ITPR3: variants seen among roughly 807,000 people sequenced by gnomAD.
ITPR3 encodes inositol 1,4,5-trisphosphate receptor type 3.
In ITPR3, 173 loss-of-function variants were observed where a neutral mutation model predicts 293.2. The observed-to-expected ratio is 0.59, with a 90% confidence interval of 0.52 to 0.67. The LOEUF is 0.67. ITPR3 is among the 30% of genes least tolerant of loss of function. The pLI is 0.00. For synonymous variants in ITPR3, 1,295 were observed against 1,444.4 expected (o/e 0.90, Z 2.35); for missense variants, 2,796 against 3,592.1 (o/e 0.78, Z 5.66).
chr6:33,648,978 C>A (rs1342173804), intron 2 of ITPR3, among the ~76,000 whole-genome samples: 2 of 152,164 alleles, frequency 1.3e-5, no homozygotes, highest in Non-Finnish European at 2.9e-5. Context: ...CGGCTCACTG[C>A]AACCTCTGCC....
chr6:33,658,878 T>C lies in ITPR3; in HGVS notation c.528+50T>C. 6.2e-7 allele frequency: 1 copy of C among 1,608,488 alleles called. No homozygotes were observed. Among genetic ancestry groups the C allele is most frequent in the Non-Finnish European group, 8.5e-7 (1 of 1,176,314 alleles). On this transcript the variant is annotated intron_variant, in intron 5 of 57. Transcript: ENST00000605930. The surrounding 1 kb of genome is among the most constrained non-coding windows in gnomAD (Gnocchi z 6.1). ...GGGCCTGGTGGAACTCCCGAGGGGC[T>C]TCTGTAGGGTCTTCGGTGTGGGGAC... is the stretch of plus-strand genomic sequence containing the variant.
chr6:33,668,683 C>T, intron 17 of ITPR3, 49 bp downstream of exon 17: 1 of 1,612,554 alleles, frequency 6.2e-7, no homozygotes, highest in Non-Finnish European at 8.5e-7. Flanking sequence ...CTGCTGACCC[C>T]CAGCTGTCTT....
intron 11 of ITPR3, 90 bp downstream of exon 11, chr6:33,663,970 C>G: frequency 6.7e-7 from 1 of 1,494,352 alleles, no homozygotes; most frequent in Non-Finnish European, 9.1e-7. Context: ...CCCACTCCTC[C>G]GCCCTCCTGC....
At chr6:33,674,890 A>C (rs1043903908) in intron 24 of ITPR3, among the ~76,000 whole-genome samples, 1 of 152,248 alleles carries the variant, frequency 6.6e-6, no homozygotes, top group African/African-American at 2.4e-5. Context: ...ACTTCAAGGC[A>C]GCGACGAATA....
In ITPR3 at chr6:33,690,034, C is replaced by G; in HGVS notation, c.6868C>G (p.Leu2290Val). The G allele has an allele frequency of 6.2e-7, 1 of 1,614,210 alleles. No homozygotes were observed. Among genetic ancestry groups the G allele is most frequent in the Non-Finnish European group, 8.5e-7 (1 of 1,180,020 alleles). Residue 2290 changes from leucine to valine, a missense_variant and splice_region_variant, in exon 51 of 58, where the codon CTG becomes GTG. Transcript: ENST00000605930. Reference sequence around the variant, plus strand: ...TCTCATGCCTTGCACTCGCCCCCAGCTGACCAACAAGATCGTGTTTGTGGT... The same window carrying G: ...TCTCATGCCTTGCACTCGCCCCCAGGTGACCAACAAGATCGTGTTTGTGGT... The part of the protein sequence containing the change: ...PTLNILGALN[L>V]TNKIVFVVSF...
In ITPR3 at chr6:33,632,237, T is replaced by TG. The variant is rs1763700047; in HGVS notation, c.90-8241dup. 7.0e-6 allele frequency among the ~76,000 whole-genome samples: 1 copy of TG among 142,080 alleles called. No individual in the cohort carries two copies. Among genetic ancestry groups the TG allele is most frequent in the South Asian group, 2.3e-4 (1 of 4,280 alleles). The allele number at this position is 142,080 out of a possible 152,430, so 93.2% of individuals were successfully genotyped here. A position where few individuals can be genotyped will look rare whatever the true frequency, so the allele number is the denominator to read the frequency against. ...TTTCTCATCCACAGCTGAATGGGGG[T>TG]GGGGGGAGGGTTGTTCAGGGTCCCT... On this transcript the variant is annotated intron_variant, in intron 1 of 57. Coordinates refer to ENST00000605930, the MANE Select transcript of ITPR3 (RefSeq NM_002224.4). The surrounding 1 kb of genome is among the most constrained non-coding windows in gnomAD (Gnocchi z 4.1).
In ITPR3 at chr6:33,684,856, C is replaced by T; in HGVS notation, c.5220C>T (p.Leu1740=). 6.2e-7 allele frequency: 1 copy of T among 1,614,148 alleles called. No homozygotes were observed. The highest frequency in any genetic ancestry group is 8.5e-7 in the Non-Finnish European group (1 of 1,180,020). ...KEGATKLVCD[L]ITSTKNEKIF... The stretch of plus-strand genomic sequence containing the variant: ...GGGCCACCAAGTTGGTATGCGACCT[C>T]ATCACCAGCACCAAGAACGAGAAGA... The change falls in exon 39 of 58, where the codon CTC becomes CTT. Residue 1740 remains leucine, a synonymous_variant. Coordinates refer to ENST00000605930, the MANE Select transcript of ITPR3 (RefSeq NM_002224.4). The surrounding 1 kb of genome is among the most constrained non-coding windows in gnomAD (Gnocchi z 4.2).
chr6:33,639,514 T>C lies in ITPR3; in HGVS notation c.90-970T>C, dbSNP rs144651380. 3.9e-5 allele frequency among the ~76,000 whole-genome samples: 6 copies of C among 152,226 alleles called. No homozygotes were observed. The East Asian group carries it at 1.2e-3, about 29-fold the overall frequency. On this transcript the variant is annotated intron_variant, in intron 1 of 57. Coordinates refer to ENST00000605930, the MANE Select transcript of ITPR3 (RefSeq NM_002224.4). The stretch of plus-strand genomic sequence containing the variant: ...TATTCAGATTCGGTTTTCTCCTCAG[T>C]AAAATGGCACTAAAAACAAGCCCCT...
At chr6:33,689,597 T>C (rs1324776683) in intron 50 of ITPR3, among the ~76,000 whole-genome samples, 187 bp downstream of exon 50, 4 of 152,212 alleles carry the variant, frequency 2.6e-5, no homozygotes, top group African/African-American at 9.6e-5. Context: ...CCTCAACACC[T>C]GAGGGCAGCT....
At chr6:33,652,529 C>G (rs36097803) in intron 2 of ITPR3, among the ~76,000 whole-genome samples, 19,240 of 151,130 alleles carry the variant, frequency 0.13, 1,635 homozygotes, top group Middle Eastern at 0.22. Flanking sequence ...GGTGTGATCT[C>G]AGCTCACTGC....
At chr6:33,685,093 T>C in intron 39 of ITPR3, 150 bp downstream of exon 39, 1 of 986,858 alleles carries the variant, frequency 1.0e-6, no homozygotes, top group African/African-American at 1.6e-5. Context: ...GTGGGCATGA[T>C]GGGGGCAGGG....
intron 2 of ITPR3, among the ~76,000 whole-genome samples, chr6:33,652,745 T>C (rs1764220987): frequency 6.6e-6 from 1 of 152,166 alleles, no homozygotes; most frequent in Non-Finnish European, 1.5e-5. Flanking sequence ...ATTACAGGCA[T>C]GAGCCACCGT....
At position 33,665,189 on chromosome 6, in the gene ITPR3, G is replaced by A. The variant is rs1764579548; in HGVS notation, c.1385G>A (p.Gly462Asp). ...LASAVEKLNE[G>D]FISQNDRRFV... is the part of the protein sequence containing the mutation. ...AGTGCCGTGGAGAAACTCAACGAGG[G>A]CTTCATCAGCCAGAATGACCGCAGG... is the stretch of plus-strand genomic sequence containing the variant. The change falls in exon 13 of 58, where the codon GGC becomes GAC. Residue 462 changes from glycine to aspartate, a missense_variant. Transcript: ENST00000605930. 6.2e-7 allele frequency: 1 copy of A among 1,614,040 alleles called. No homozygotes were observed. Among genetic ancestry groups the A allele is most frequent in the East Asian group, 2.2e-5 (1 of 44,874 alleles).
At position 33,675,606 on chromosome 6, in the gene ITPR3, T is replaced by C; in HGVS notation, c.3117-85T>C. On this transcript the variant is annotated intron_variant, in intron 24 of 57. Transcript: ENST00000605930. The surrounding 1 kb of genome is among the most constrained non-coding windows in gnomAD (Gnocchi z 5.0). Reference sequence around the variant, plus strand: ...TCTGCTAATTGGGTGGCGGAGAGTGTGCTTGTGCCAGGGCCCCTTACCCAC... The same window carrying C: ...TCTGCTAATTGGGTGGCGGAGAGTGCGCTTGTGCCAGGGCCCCTTACCCAC... 6.9e-7 allele frequency: 1 copy of C among 1,440,646 alleles called. No homozygotes were observed. The highest frequency in any genetic ancestry group is 2.5e-5 in the East Asian group (1 of 40,678). The allele number at this position is 1,440,646 out of a possible 1,614,324, so 89.2% of individuals were successfully genotyped here. A position where few individuals can be genotyped will look rare whatever the true frequency, so the allele number is the denominator to read the frequency against.
intron 2 of ITPR3, among the ~76,000 whole-genome samples, chr6:33,643,159 G>A (rs939610068): frequency 6.6e-6 from 1 of 152,224 alleles, no homozygotes; most frequent in East Asian, 1.9e-4. Flanking sequence ...GTTATGGCAG[G>A]CGTTTTAGAA....
At position 33,686,459 on chromosome 6, in the gene ITPR3, G is replaced by C. The variant is rs138609611; in HGVS notation, c.5919G>C (p.Leu1973=). The C allele has an allele frequency of 8.9e-5, 143 of 1,614,254 alleles. No individual in the cohort carries two copies. In the African/African-American group the frequency reaches 1.6e-3, roughly 18 times the overall value. The change falls in exon 43 of 58, where the codon CTG becomes CTC. Residue 1973 remains leucine (L), a synonymous_variant. Coordinates refer to ENST00000605930, the MANE Select transcript of ITPR3 (RefSeq NM_002224.4). Reference sequence around the variant, plus strand: ...ATGGCATAGACATCATCACCGCACTGATCCTCAATGACATCAGCCCCCTGT... The same window carrying C: ...ATGGCATAGACATCATCACCGCACTCATCCTCAATGACATCAGCCCCCTGT... ...ESNGIDIITA[L]ILNDISPLCK...
In ITPR3 at chr6:33,668,572, C is replaced by T. The variant is rs1342829075; in HGVS notation, c.1944C>T (p.Thr648=). Residue 648 remains threonine, a synonymous_variant, in exon 17 of 58, where the codon ACC becomes ACT. Transcript: ENST00000605930. ...CCAACCACATCGCCATCCCCGTCAC[C>T]CAAGAGCTCATCTGCAAGTGTGTGC... ...CVSNHIAIPV[T]QELICKCVLD... The T allele has an allele frequency of 6.2e-7, 1 of 1,614,228 alleles. No homozygotes were observed. The highest frequency in any genetic ancestry group is 1.7e-5 in the Admixed American group (1 of 60,026).
intron 1 of ITPR3, among the ~76,000 whole-genome samples, chr6:33,623,118 C>T (rs926258234): frequency 1.3e-5 from 2 of 152,040 alleles, no homozygotes; most frequent in Admixed American, 6.5e-5. Flanking sequence ...GCCAGGGCTG[C>T]CCACAGTAGG....
In ITPR3 at chr6:33,684,530, AG is replaced by A; in HGVS notation, c.5046+66del. The A allele has an allele frequency of 6.2e-7, 1 of 1,606,920 alleles. No homozygotes were observed. The highest frequency in any genetic ancestry group is 1.1e-5 in the South Asian group (1 of 90,928). On this transcript the variant is annotated intron_variant, in intron 37 of 57. Transcript: ENST00000605930. This position sits in a 1 kb window ranked among gnomAD's most constrained non-coding sequence, Gnocchi z 4.2. ...AGGAGTACCCAGGGGCTCAGGGTCA[AG>A]CCCGTCAGGCCAGTGGTCAGTGGTG...
Sources: allele counts gnomAD v4.1 joint callset (sites outside exome capture counted in the v4.1 genomes callset), GRCh38; gene constraint gnomAD v4.1.1; non-coding constraint Gnocchi (gnomAD v3.1); transcripts MANE v1.5; gene names NCBI Gene and HGNC (gene_info 2026-07-23, HGNC 2026-07-21).